CYRIB: variants seen among roughly 807,000 people sequenced by gnomAD.
CYRIB encodes CYFIP-related Rac1 interactor B.
CYRIB carries 8 observed loss-of-function variants against 44.2 expected under a neutral mutation model. The observed-to-expected ratio is 0.18, with a 90% CI of 0.11 to 0.33. The LOEUF is 0.33. CYRIB is among the 10% of genes least tolerant of loss of function. The pLI, the probability that CYRIB is intolerant of heterozygous loss-of-function variation, is 1.00. For synonymous variants in CYRIB, 131 were observed against 127.2 expected, an observed-to-expected ratio of 1.03 and a Z score of -0.20; for missense variants, 185 against 382.8, an observed-to-expected ratio of 0.48 and a Z score of 4.31.
chr8:129,854,533 A>C (rs541049925), intron 6 of CYRIB, among the ~76,000 whole-genome samples, 190 bp from the exon 9 acceptor site: 2 of 152,342 alleles, frequency 1.3e-5, no homozygotes, highest in South Asian at 2.1e-4. Context: ...TATAAAACGA[A>C]AGACCACAGG....
At chr8:129,852,222 A>G (rs2043669319) in exon 8 of CYRIB, 2 of 1,571,060 alleles carry the variant, frequency 1.3e-6, no homozygotes, top group Non-Finnish European at 1.7e-6. Flanking sequence ...TTGCCTCAGC[A>G]TAAAACAAAG....
At chr8:130,000,919 T>C (rs1012266684) in intron 1 of CYRIB, among the ~76,000 whole-genome samples, 2 of 152,116 alleles carry the variant, frequency 1.3e-5, no homozygotes, top group African/African-American at 2.4e-5. Context: ...AAAAAAATAA[T>C]TGTCCACCCA....
chr8:129,911,780 T>C (rs2078173171), intron 1 of CYRIB, among the ~76,000 whole-genome samples: 2 of 152,178 alleles, frequency 1.3e-5, no homozygotes, highest in South Asian at 4.1e-4. Context: ...TCACCAGGCT[T>C]TGAGGACATT....
chr8:129,920,023 A>C (rs1204527982), intron 1 of CYRIB, among the ~76,000 whole-genome samples: 1 of 151,638 alleles, frequency 6.6e-6, no homozygotes, highest in African/African-American at 2.4e-5. Flanking sequence ...TATTTATTGG[A>C]TAGCTTATAT....
chr8:130,001,431 G>C (rs188983759), intron 1 of CYRIB, among the ~76,000 whole-genome samples: 1 of 151,482 alleles, frequency 6.6e-6, no homozygotes, highest in African/African-American at 2.4e-5. Context: ...AGTTCATTTC[G>C]CTTTGGAAAT....
At chr8:129,999,869 T>A (rs907142410) in intron 1 of CYRIB, among the ~76,000 whole-genome samples, 1 of 152,158 alleles carries the variant, frequency 6.6e-6, no homozygotes, top group Admixed American at 6.5e-5. Flanking sequence ...GCTCAAGCGA[T>A]CCTCCCGCCT....
chr8:130,012,301 G>A (rs1467048), intron 1 of CYRIB, among the ~76,000 whole-genome samples: 23,859 of 152,108 alleles, frequency 0.16, 2,473 homozygotes, highest in East Asian at 0.43. Context: ...CAGCGGAAGC[G>A]CCACACAAAA....
chr8:129,929,627 T>C (rs1222600110), intron 1 of CYRIB, among the ~76,000 whole-genome samples: 1 of 152,182 alleles, frequency 6.6e-6, no homozygotes, highest in Non-Finnish European at 1.5e-5. Flanking sequence ...CAAAAACCAG[T>C]GAGAAAACAA....
At chr8:129,889,716 T>C (rs920059621) in intron 2 of CYRIB, among the ~76,000 whole-genome samples, 4 of 152,090 alleles carry the variant, frequency 2.6e-5, no homozygotes, top group Non-Finnish European at 5.9e-5. Context: ...AAGATGTGAC[T>C]GAATAGCTGC....
At chr8:129,873,513 C>T (rs1056090068) in intron 3 of CYRIB, among the ~76,000 whole-genome samples, 15 of 151,888 alleles carry the variant, frequency 9.9e-5, no homozygotes, top group Admixed American at 5.2e-4. Context: ...ATGCAAAAAA[C>T]GACAGTCTTA....
At chr8:129,930,386 T>TATATATA (rs1338007307) in intron 1 of CYRIB, among the ~76,000 whole-genome samples, 52 of 130,772 alleles carry the variant, frequency 4.0e-4, no homozygotes, top group Non-Finnish European at 5.0e-4. Flanking sequence ...TATATTTTAA[T>TATATATA]TATTTAAATC....
intron 1 of CYRIB, among the ~76,000 whole-genome samples, chr8:129,995,912 T>C (rs1276201682): frequency 6.6e-6 from 1 of 152,160 alleles, no homozygotes; most frequent in African/African-American, 2.4e-5. Flanking sequence ...CTTCCCTGGG[T>C]GGAAGACAAG....
intron 2 of CYRIB, among the ~76,000 whole-genome samples, chr8:129,954,694 G>A (rs550319724): frequency 1.5e-4 from 23 of 152,264 alleles, no homozygotes; most frequent in South Asian, 4.1e-4. Flanking sequence ...CTAGGGGCAC[G>A]ATCCCCCAGT....
intron 1 of CYRIB, among the ~76,000 whole-genome samples, chr8:129,924,290 C>A (rs865963132): frequency 6.0e-3 from 12 of 2,002 alleles, no homozygotes; most frequent in Admixed American, 8.3e-3. Flanking sequence ...AAAAAAAAAA[C>A]CGGGGGGGGG....
At chr8:129,848,839 T>C (rs772063901) in intron 10 of CYRIB, among the ~76,000 whole-genome samples, 11 of 152,164 alleles carry the variant, frequency 7.2e-5, no homozygotes, top group Admixed American at 2.6e-4. Flanking sequence ...GCCAAAGTGC[T>C]TGGGCTACAG....
intron 1 of CYRIB, among the ~76,000 whole-genome samples, chr8:130,012,377 A>C (rs771934877): frequency 1.8e-4 from 28 of 152,260 alleles, no homozygotes; most frequent in Non-Finnish European, 3.5e-4. Context: ...AGTTTAATCC[A>C]GGAATGACCT....
intron 4 of CYRIB, among the ~76,000 whole-genome samples, chr8:129,863,494 TA>T (rs2132439423): frequency 6.6e-6 from 1 of 150,898 alleles, no homozygotes; most frequent in South Asian, 2.1e-4. Flanking sequence ...CATTGCCCTC[TA>T]GCCTGGGTGA....
chr8:129,984,958 G>A (rs2096396852), intron 1 of CYRIB, among the ~76,000 whole-genome samples: 1 of 152,112 alleles, frequency 6.6e-6, no homozygotes, highest in African/African-American at 2.4e-5. Flanking sequence ...ATTTTTAGTA[G>A]AGATGGGATT....
intron 3 of CYRIB, among the ~76,000 whole-genome samples, chr8:129,875,706 A>T (rs1394072035): frequency 6.6e-6 from 1 of 152,244 alleles, no homozygotes; most frequent in African/African-American, 2.4e-5. Flanking sequence ...ATGACATTTC[A>T]TGCCTTAAGG....
Sources: gnomAD v4.1 joint callset for allele counts (sites outside exome capture counted in the v4.1 genomes callset) on GRCh38, gnomAD v4.1.1 for gene constraint, MANE v1.5 for transcripts, NCBI Gene and HGNC (gene_info 2026-07-23, HGNC 2026-07-21) for gene names.